The following SLC44A2 variants were observed in gnomAD, a reference collection of about 807,000 sequenced individuals.
The protein encoded by SLC44A2 is choline transporter-like protein 2.
Under a neutral mutation model 90.8 loss-of-function variants are expected in SLC44A2, and 57 were observed. The ratio of observed to expected loss-of-function variants is 0.63; its 90% CI spans 0.51 to 0.78. The LOEUF (loss-of-function observed/expected upper bound fraction) is 0.78, where lower values mean the gene tolerates loss of function less well. SLC44A2 is among the 30% of genes least tolerant of loss of function. The probability of loss-of-function intolerance (pLI) is 0.00; values close to 1 mark genes in which losing one functional copy is unlikely to be tolerated. For synonymous variants in SLC44A2, 355 were observed against 360.7 expected (o/e 0.98, Z 0.18); for missense variants, 794 against 919.7 (o/e 0.86, Z 1.77).
At chr19:10,611,490 C>T (rs79074845) in intron 1 of SLC44A2, among the ~76,000 whole-genome samples, 3,602 of 151,508 alleles carry the variant, frequency 0.024, 150 homozygotes, top group African/African-American at 0.083. Flanking sequence ...ACAAGAGACC[C>T]GGTGCAGTGG....
intron 1 of SLC44A2, chr19:10,602,693 C>T: frequency 2.4e-6 from 2 of 818,098 alleles, no homozygotes; most frequent in Non-Finnish European, 3.2e-6. Context: ...GCCCCCGCAT[C>T]CGACACTGCG....
intron 1 of SLC44A2, among the ~76,000 whole-genome samples, chr19:10,609,197 C>G (rs1918209439): frequency 6.6e-6 from 1 of 152,056 alleles, no homozygotes; most frequent in Non-Finnish European, 1.5e-5. Context: ...ACCTTGTGAT[C>G]TGCCCACCTT....
chr19:10,606,950 C>T (rs1398638151), intron 1 of SLC44A2, among the ~76,000 whole-genome samples: 3 of 137,378 alleles, frequency 2.2e-5, no homozygotes, highest in Non-Finnish European at 4.6e-5. Context: ...CTCGCTCTGT[C>T]GCCCAGGCTG....
In SLC44A2 at chr19:10,605,515, G is replaced by T. The variant is rs187624648; in HGVS notation, c.31+2954G>T. Among the ~76,000 whole-genome samples, 26 of 150,724 alleles carry T rather than the reference G, an allele frequency of 1.7e-4. No individual in the cohort carries two copies. In the East Asian group the frequency reaches 2.8e-3, roughly 16 times the overall value. ...GGCAAAAAGAGTGAAATTCAGTCTC[G>T]AAATAAATAAATAAATAAATAATAA... is the stretch of plus-strand genomic sequence containing the variant. On this transcript the variant is annotated intron_variant, in intron 1 of 21. Coordinates refer to the SLC44A2 transcript ENST00000407327.
intron 1 of SLC44A2, among the ~76,000 whole-genome samples, chr19:10,602,919 T>G (rs1319633641): frequency 1.3e-5 from 2 of 152,112 alleles, no homozygotes; most frequent in African/African-American, 4.8e-5. Flanking sequence ...ATCCCCCTCC[T>G]CTTCCAATCC....
intron 1 of SLC44A2, among the ~76,000 whole-genome samples, chr19:10,611,862 T>A (rs764586230): frequency 6.6e-6 from 1 of 152,052 alleles, no homozygotes; most frequent in Non-Finnish European, 1.5e-5. Flanking sequence ...ATAATAAAAT[T>A]AATAAATTCC....
At chr19:10,618,958 CTTTT>C (rs772955506) in intron 1 of SLC44A2, among the ~76,000 whole-genome samples, 2 of 100,096 alleles carry the variant, frequency 2.0e-5, no homozygotes, top group African/African-American at 3.7e-5. Context: ...GTATACAATT[CTTTT>C]TTTTTTTTTT....
chr19:10,618,958 CTTTTTTTTTTTT>C (rs772955506), intron 1 of SLC44A2, among the ~76,000 whole-genome samples: 2 of 100,080 alleles, frequency 2.0e-5, no homozygotes, highest in African/African-American at 7.4e-5. Flanking sequence ...GTATACAATT[CTTTTTTTTTTTT>C]TTTTTTTTTT....
At chr19:10,607,831 C>T (rs1202692063) in intron 1 of SLC44A2, among the ~76,000 whole-genome samples, 1 of 150,156 alleles carries the variant, frequency 6.7e-6, no homozygotes, top group Non-Finnish European at 1.5e-5. Context: ...CTGCAAGCAC[C>T]GCCTCCCGGG....
rs566655366 is a variant in SLC44A2, at chr19:10,619,429, GAA to G, written c.32-6810_32-6809del. On this transcript the variant is annotated intron_variant, in intron 1 of 21. Transcript: ENST00000407327. Reference sequence around the variant, plus strand: ...GGCAATACAGCCAGACCATGTTTCAGAAAAAAAAAAAAAAAGTGTTTTTTTTT... The same window carrying G: ...GGCAATACAGCCAGACCATGTTTCAGAAAAAAAAAAAAAGTGTTTTTTTTT... 2.4e-4 allele frequency among the ~76,000 whole-genome samples: 19 copies of G among 79,376 alleles called. No individual in the cohort carries two copies. The East Asian group carries it at 2.9e-3, about 12-fold the overall frequency. The allele number at this position is 79,376 out of a possible 152,430, so 52.1% of individuals were successfully genotyped here.
chr19:10,614,970 CA>C (rs74464361), intron 1 of SLC44A2, among the ~76,000 whole-genome samples: 220 of 62,738 alleles, frequency 3.5e-3, no homozygotes, highest in East Asian at 5.5e-3. Flanking sequence ...GACTCCGTCT[CA>C]AAAAAAAAAA....
At chr19:10,607,325 G>A (rs532392160) in intron 1 of SLC44A2, among the ~76,000 whole-genome samples, 4 of 151,752 alleles carry the variant, frequency 2.6e-5, no homozygotes, top group African/African-American at 7.3e-5. Flanking sequence ...CTCCCACCCC[G>A]GACCATACTT....
intron 21 of SLC44A2, chr19:10,642,953 G>A (rs771035309): frequency 1.8e-5 from 28 of 1,592,808 alleles, no homozygotes; most frequent in South Asian, 6.6e-5. Context: ...CATGTCGCCC[G>A]AGCTGAGAGA....
chr19:10,630,192 A>C (rs184968760), intron 4 of SLC44A2, among the ~76,000 whole-genome samples: 2 of 152,076 alleles, frequency 1.3e-5, no homozygotes, highest in African/African-American at 4.8e-5. Flanking sequence ...GCTACCAATA[A>C]TAGAAAAAAT....
chr19:10,618,539 G>T (rs1419279824), intron 1 of SLC44A2, among the ~76,000 whole-genome samples: 13 of 123,214 alleles, frequency 1.1e-4, no homozygotes, highest in East Asian at 5.1e-4. Context: ...GAGTGCAGTG[G>T]CGCCATCTCG....
In SLC44A2 at chr19:10,640,639, G is replaced by A. The variant is rs552119042; in HGVS notation, c.1930-1728G>A. ...AAATGTTTATCTAGCAGCTACCAAG[G>A]CCGTGTGAGTCTCCAGATTGCTAGG... On this transcript the variant is annotated intron_variant, in intron 20 of 21. Coordinates refer to ENST00000335757, the MANE Select transcript of SLC44A2 (RefSeq NM_020428.4). Among the ~76,000 whole-genome samples the A allele has an allele frequency of 7.2e-5, 11 of 152,256 alleles. No individual in the cohort carries two copies. The South Asian group carries it at 2.1e-3, about 29-fold the overall frequency.
chr19:10,606,911 A>ATTTT (rs1012814720), intron 1 of SLC44A2, among the ~76,000 whole-genome samples: 2 of 133,272 alleles, frequency 1.5e-5, no homozygotes, highest in African/African-American at 5.5e-5. Flanking sequence ...ACTTACGGCT[A>ATTTT]TTTTTTTTTT....
At position 10,637,532 on chromosome 19, in the gene SLC44A2, C is replaced by T. The variant is rs115339601; in HGVS notation, c.1592-112C>T. Reference sequence around the variant, plus strand: ...GCTTAAGTCCCTGTCTCTTTGACAGCGTGGACTCAGGAGACCTGGACATTG... The same window carrying T: ...GCTTAAGTCCCTGTCTCTTTGACAGTGTGGACTCAGGAGACCTGGACATTG... On this transcript the variant is annotated intron_variant, in intron 16 of 21. Transcript: ENST00000335757. The T allele has an allele frequency of 1.8e-3, 1,700 of 938,146 alleles. 23 individuals are homozygous for T. The African/African-American group carries it at 0.025, about 14-fold the overall frequency. 58.1% of individuals were successfully genotyped at this position (938,146 alleles called of 1,614,324 possible). A position where few individuals can be genotyped will look rare whatever the true frequency, so the allele number is the denominator to read the frequency against.
chr19:10,629,579 A>G (rs1195664555), intron 4 of SLC44A2, among the ~76,000 whole-genome samples: 2 of 149,656 alleles, frequency 1.3e-5, no homozygotes, highest in Non-Finnish European at 3.0e-5. Context: ...CACCCGGCCT[A>G]TTATTATTAT....
Sources: allele counts gnomAD v4.1 joint callset (sites outside exome capture counted in the v4.1 genomes callset), GRCh38; gene constraint gnomAD v4.1.1; transcripts MANE v1.5; gene names NCBI Gene and HGNC (gene_info 2026-07-23, HGNC 2026-07-21).